The following CABLES1 variants were observed in gnomAD, a reference collection of about 807,000 sequenced individuals.
CABLES1 encodes the protein CDK5 and ABL1 enzyme substrate 1.
CABLES1 carries 36 observed loss-of-function variants against 57.8 expected under a neutral mutation model. The observed-to-expected ratio is 0.62, with a 90% CI of 0.48 to 0.82. The LOEUF (loss-of-function observed/expected upper bound fraction) is 0.82, where lower values mean the gene tolerates loss of function less well. CABLES1 is among the 40% of genes least tolerant of loss of function. CABLES1 has a pLI of 0.00. For missense variants in CABLES1, 767 were observed against 836.6 expected (o/e 0.92, Z 1.03); for synonymous variants, 374 against 363.0 (o/e 1.03, Z -0.35).
At chr18:23,249,204 T>C (rs982059033) in intron 7 of CABLES1, among the ~76,000 whole-genome samples, 5 of 152,210 alleles carry the variant, frequency 3.3e-5, no homozygotes, top group African/African-American at 1.2e-4. Context: ...GGAGCCAGAA[T>C]TGTTTTTGGA....
At chr18:23,237,322 TG>T (rs1272451848) in intron 7 of CABLES1, 77 bp downstream of exon 7, 4 of 967,314 alleles carry the variant, frequency 4.1e-6, no homozygotes, top group Non-Finnish European at 6.8e-6. Context: ...GCTGGGGGCT[TG>T]TTCAAAGACT....
At chr18:23,231,324 T>C (rs919002721) in intron 4 of CABLES1, among the ~76,000 whole-genome samples, 1 of 152,224 alleles carries the variant, frequency 6.6e-6, no homozygotes, top group African/African-American at 2.4e-5. Context: ...CTCAGTCAAC[T>C]GTTCACATTT....
intron 4 of CABLES1, among the ~76,000 whole-genome samples, chr18:23,226,169 C>G (rs186395555): frequency 6.6e-6 from 1 of 152,144 alleles, no homozygotes; most frequent in African/African-American, 2.4e-5. Context: ...TTTGGGAGAC[C>G]GAGGTGGGCG....
intron 4 of CABLES1, among the ~76,000 whole-genome samples, chr18:23,216,496 A>G (rs1337784796): frequency 1.3e-5 from 2 of 152,186 alleles, no homozygotes; most frequent in Non-Finnish European, 2.9e-5. Flanking sequence ...GGCACGTGGC[A>G]TGCAGAGAAG....
chr18:23,168,669 G>A (rs556638770), intron 1 of CABLES1, among the ~76,000 whole-genome samples: 152 of 152,302 alleles, frequency 1.0e-3, no homozygotes, highest in South Asian at 3.7e-3. Flanking sequence ...GCAAAGCTGC[G>A]TCCCAGGCTA....
intron 3 of CABLES1, among the ~76,000 whole-genome samples, chr18:23,198,571 C>A (rs2047301181): frequency 1.3e-5 from 2 of 152,096 alleles, no homozygotes; most frequent in Admixed American, 6.5e-5. Context: ...GGGAGTTTAT[C>A]CTGGATTATT....
Position 23,136,557 on chromosome 18 carries a change from G to A in CABLES1, c.795G>A (p.Gln265=). Residue 265 remains glutamine, a synonymous_variant, in exon 1 of 10, where the codon CAG becomes CAA. Coordinates refer to ENST00000256925, the MANE Select transcript of CABLES1 (RefSeq NM_001100619.3). ...PTSQNYCSLE[Q]PGQGGSTSAF... Reference sequence around the variant, plus strand: ...CGCAGAACTACTGCTCCCTGGAGCAGCCAGGCCAGGGCGGCAGCACCAGCG... The same window carrying A: ...CGCAGAACTACTGCTCCCTGGAGCAACCAGGCCAGGGCGGCAGCACCAGCG... The A allele has an allele frequency of 6.5e-7, 1 of 1,548,348 alleles. No homozygotes were observed.
At chr18:23,150,565 G>A (rs947451361) in intron 1 of CABLES1, among the ~76,000 whole-genome samples, 7 of 152,172 alleles carry the variant, frequency 4.6e-5, no homozygotes, top group African/African-American at 1.7e-4. Flanking sequence ...GACAGCCTCT[G>A]CCCTGTGCCA....
At chr18:23,192,426 C>T (rs1045285584) in intron 2 of CABLES1, among the ~76,000 whole-genome samples, 5 of 152,202 alleles carry the variant, frequency 3.3e-5, no homozygotes, top group African/African-American at 9.7e-5. Context: ...GAATCTGGGG[C>T]CCCTCTTTCT....
At chr18:23,238,007 C>T (rs2145088332) in intron 7 of CABLES1, among the ~76,000 whole-genome samples, 1 of 151,958 alleles carries the variant, frequency 6.6e-6, no homozygotes, top group South Asian at 2.1e-4. Flanking sequence ...GAGACATCCA[C>T]CCAGAATGCC....
At chr18:23,223,533 T>C (rs910814145) in intron 4 of CABLES1, among the ~76,000 whole-genome samples, 2 of 144,602 alleles carry the variant, frequency 1.4e-5, no homozygotes, top group Admixed American at 1.4e-4. Flanking sequence ...AGCCGAGATC[T>C]CGCCATTGCA....
At chr18:23,210,911 C>T (rs1380488781) in intron 3 of CABLES1, among the ~76,000 whole-genome samples, 1 of 152,090 alleles carries the variant, frequency 6.6e-6, no homozygotes, top group African/African-American at 2.4e-5. Context: ...CTCCTCCCTC[C>T]AGCCGCTTGA....
intron 2 of CABLES1, among the ~76,000 whole-genome samples, chr18:23,194,066 C>A (rs1032559020): frequency 6.6e-6 from 1 of 152,046 alleles, no homozygotes; most frequent in Admixed American, 6.6e-5. Context: ...GTTTCCCTAC[C>A]CCCTTTAAAT....
At chr18:23,179,668 C>T (rs1027368402) in intron 1 of CABLES1, among the ~76,000 whole-genome samples, 3 of 152,232 alleles carry the variant, frequency 2.0e-5, no homozygotes, top group Non-Finnish European at 2.9e-5. Context: ...GTCTAACAAG[C>T]AGCTGCTGCC....
chr18:23,164,653 A>G (rs560676302), intron 1 of CABLES1, among the ~76,000 whole-genome samples: 1 of 121,340 alleles, frequency 8.2e-6, no homozygotes, highest in South Asian at 3.0e-4. Flanking sequence ...CCACCACACT[A>G]AAGCTTTTTT....
chr18:23,200,990 T>C (rs2047321324), intron 3 of CABLES1, among the ~76,000 whole-genome samples: 1 of 152,172 alleles, frequency 6.6e-6, no homozygotes, highest in Non-Finnish European at 1.5e-5. Context: ...ATTTGAGTGA[T>C]TGGCGTAAAG....
chr18:23,235,368 G>C (rs1467394739), intron 5 of CABLES1, among the ~76,000 whole-genome samples: 1 of 151,710 alleles, frequency 6.6e-6, no homozygotes, highest in Non-Finnish European at 1.5e-5. Flanking sequence ...ATGCTCGCCT[G>C]GGCAGGTGAA....
chr18:23,253,707 C>G, intron 8 of CABLES1, 22 bp from the exon 9 acceptor site: 1 of 1,606,112 alleles, frequency 6.2e-7, no homozygotes, highest in Non-Finnish European at 8.5e-7. Flanking sequence ...AAGACTGTTC[C>G]CTCTTGCCTG....
At chr18:23,203,872 C>A (rs555012132) in intron 3 of CABLES1, among the ~76,000 whole-genome samples, 1 of 152,146 alleles carries the variant, frequency 6.6e-6, no homozygotes, top group South Asian at 2.1e-4. Context: ...TTTTTCCTCT[C>A]GGAGATTTTG....
Sources: gnomAD v4.1 joint callset for allele counts (sites outside exome capture counted in the v4.1 genomes callset) on GRCh38, gnomAD v4.1.1 for gene constraint, MANE v1.5 for transcripts, NCBI Gene and HGNC (gene_info 2026-07-23, HGNC 2026-07-21) for gene names.